The following DNAJC3 variants were observed in gnomAD, a reference collection of about 807,000 sequenced individuals.
DNAJC3 encodes dnaJ homolog subfamily C member 3.
Under a neutral mutation model 68.6 loss-of-function variants are expected in DNAJC3, and 38 were observed. The ratio of observed to expected loss-of-function variants is 0.55; its 90% CI spans 0.43 to 0.73. The LOEUF (loss-of-function observed/expected upper bound fraction) is 0.73, where lower values mean the gene tolerates loss of function less well. Among genes scored for constraint, DNAJC3 ranks in the 30% least tolerant of loss-of-function variants. The pLI is 0.00. For missense variants in DNAJC3, 526 were observed against 591.9 expected, an observed-to-expected ratio of 0.89 and a Z score of 1.16; for synonymous variants, 203 against 204.0, an observed-to-expected ratio of 1.00 and a Z score of 0.04.
rs114632429 is a variant in DNAJC3 at position 95,780,619 on chromosome 13, C to T, written c.1076-5320C>T. ...TTGCTGAAAATGGAATTTGGAGCTG[C>T]ACCCTGTCTGTTTACCTTGTTTCTT... On this transcript the variant is annotated intron_variant, in intron 9 of 11. Coordinates refer to ENST00000602402, the MANE Select transcript of DNAJC3 (RefSeq NM_006260.5). 1.5e-3 allele frequency among the ~76,000 whole-genome samples: 227 copies of T among 152,292 alleles called. 1 individual carries two copies. Among genetic ancestry groups the T allele is most frequent in the African/African-American group, 5.1e-3 (211 of 41,550 alleles).
chr13:95,682,808 T>C (rs1393614809), intron 1 of DNAJC3, among the ~76,000 whole-genome samples: 1 of 152,244 alleles, frequency 6.6e-6, no homozygotes, highest in East Asian at 1.9e-4. Context: ...TCTTTATGAA[T>C]CATTGATCAT....
At chr13:95,763,588 A>G (rs755869456) in intron 7 of DNAJC3, 55 bp from the exon 8 acceptor site, 5 of 1,551,588 alleles carry the variant, frequency 3.2e-6, no homozygotes, top group Non-Finnish European at 4.4e-6. Flanking sequence ...GAGCCTTTCT[A>G]CAGCTCTGGA....
chr13:95,788,188 A>G (rs1883660240), intron 11 of DNAJC3, among the ~76,000 whole-genome samples: 1 of 152,260 alleles, frequency 6.6e-6, no homozygotes, highest in Non-Finnish European at 1.5e-5. Context: ...ACAGAAATGT[A>G]CTTCCCTTAT....
intron 1 of DNAJC3, among the ~76,000 whole-genome samples, chr13:95,708,040 C>A (rs10467347): frequency 0.09 from 13,655 of 152,018 alleles, 893 homozygotes; most frequent in African/African-American, 0.19. Context: ...GGAACTGGAC[C>A]CCTGGGCATA....
chr13:95,768,452 T>C (rs1483805255), intron 9 of DNAJC3, among the ~76,000 whole-genome samples: 1 of 152,200 alleles, frequency 6.6e-6, no homozygotes, highest in Non-Finnish European at 1.5e-5. Context: ...GACACAGCTG[T>C]TATTGAAGTG....
Position 95,709,252 on chromosome 13 carries a change from T to C in DNAJC3, c.108T>C (p.Asp36=). ...GTGCTGAATGTGGAGTAAATGCAGA[T>C]GTTGAGAAACATCTTGAATTGGGCA... ...YEGAECGVNA[D]VEKHLELGKK... The change falls in exon 2 of 12, where the codon GAT becomes GAC. Residue 36 remains aspartate, a synonymous_variant. Transcript: ENST00000602402. The C allele has an allele frequency of 6.3e-7, 1 of 1,581,416 alleles. No individual in the cohort carries two copies. The highest frequency in any genetic ancestry group is 1.2e-5 in the South Asian group (1 of 83,808).
At chr13:95,759,069 C>A (rs1459435040) in intron 5 of DNAJC3, among the ~76,000 whole-genome samples, 3 of 152,082 alleles carry the variant, frequency 2.0e-5, no homozygotes, top group African/African-American at 7.2e-5. Flanking sequence ...AAAGTCGATA[C>A]GACTTTAGAG....
At chr13:95,723,773 T>C (rs1881421059) in intron 3 of DNAJC3, among the ~76,000 whole-genome samples, 1 of 152,212 alleles carries the variant, frequency 6.6e-6, no homozygotes, top group African/African-American at 2.4e-5. Flanking sequence ...AATTGGGCTA[T>C]GATTTGTGGT....
At chr13:95,772,205 A>G (rs1327028109) in intron 9 of DNAJC3, among the ~76,000 whole-genome samples, 10 of 152,250 alleles carry the variant, frequency 6.6e-5, no homozygotes, top group Admixed American at 6.5e-4. Flanking sequence ...ATAAAAAAGC[A>G]GAAAAGCATT....
In DNAJC3 at chr13:95,748,306, T is replaced by C. The variant is rs186639744; in HGVS notation, c.394-9338T>C. 4.0e-4 allele frequency among the ~76,000 whole-genome samples: 61 copies of C among 152,324 alleles called. 1 individual carries two copies. Among genetic ancestry groups the C allele is most frequent in the African/African-American group, 1.4e-3 (60 of 41,584 alleles). On this transcript the variant is annotated intron_variant, in intron 4 of 11. Coordinates refer to ENST00000602402, the MANE Select transcript of DNAJC3 (RefSeq NM_006260.5). ...TATATTAGGTAAATAATGGTGCCAATTGCAATTTAATTTTTAAATCAAGTA... is the reference window on the plus strand; with the variant it reads ...TATATTAGGTAAATAATGGTGCCAACTGCAATTTAATTTTTAAATCAAGTA...
At chr13:95,698,066 A>G (rs1448879104) in intron 1 of DNAJC3, among the ~76,000 whole-genome samples, 1 of 150,906 alleles carries the variant, frequency 6.6e-6, no homozygotes, top group African/African-American at 2.5e-5. Flanking sequence ...AGAAACTGAC[A>G]CTTGTTGTTG....
chr13:95,699,607 C>T (rs2139615563), intron 1 of DNAJC3, among the ~76,000 whole-genome samples: 1 of 152,258 alleles, frequency 6.6e-6, no homozygotes, highest in South Asian at 2.1e-4. Context: ...GAAAAGAAAA[C>T]TGGTCTTTGG....
chr13:95,790,758 C>A, intron 11 of DNAJC3, 115 bp from the exon 12 acceptor site: 1 of 1,225,086 alleles, frequency 8.2e-7, no homozygotes. Flanking sequence ...CTCTTGATAA[C>A]CGAAAAGTAA....
chr13:95,753,650 A>G (rs1882558880), intron 4 of DNAJC3, among the ~76,000 whole-genome samples: 1 of 152,224 alleles, frequency 6.6e-6, no homozygotes, highest in Non-Finnish European at 1.5e-5. Context: ...CTATTATTCT[A>G]GGACCTTAAT....
rs1594036893 is a variant in DNAJC3, at chr13:95,792,928, G to T, written c.*1898G>T. The T allele has an allele frequency of 6.6e-6, 1 of 152,196 alleles. No homozygotes were observed. Among genetic ancestry groups the T allele is most frequent in the Admixed American group, 6.5e-5 (1 of 15,290 alleles). The allele number at this position is 152,196 out of a possible 1,614,324, so 9.4% of individuals were successfully genotyped here. Reference sequence around the variant, plus strand: ...TTTTCACATAGAGTCAGAAAAAAAAGGAAATATCAAATCACTTGCCTTTCC... The same window carrying T: ...TTTTCACATAGAGTCAGAAAAAAAATGAAATATCAAATCACTTGCCTTTCC... On this transcript the variant is annotated 3_prime_UTR_variant, in exon 12 of 12. Transcript: ENST00000602402.
chr13:95,773,637 A>T (rs982295849), intron 9 of DNAJC3, among the ~76,000 whole-genome samples: 5 of 151,714 alleles, frequency 3.3e-5, no homozygotes, highest in Non-Finnish European at 7.4e-5. Flanking sequence ...TAAGGTCTGT[A>T]AGATTATTCC....
At chr13:95,697,186 C>CT (rs1880463953) in intron 1 of DNAJC3, among the ~76,000 whole-genome samples, 1 of 152,252 alleles carries the variant, frequency 6.6e-6, no homozygotes, top group East Asian at 1.9e-4. Context: ...ATTTAGAACT[C>CT]TTTTGCGCTT....
At position 95,757,933 on chromosome 13, in the gene DNAJC3, A is replaced by G. The variant is rs1219033246; in HGVS notation, c.546+137A>G. On this transcript the variant is annotated intron_variant, in intron 5 of 11. Transcript: ENST00000602402. ...GTCCTTGGGCTTTTGCCTCTTAAGT[A>G]TAAAATAGTGTTCCTAGACAACAAA... The G allele has an allele frequency of 7.4e-6, 7 of 944,064 alleles. No homozygotes were observed. The African/African-American group carries it at 8.1e-5, about 11-fold the overall frequency. 58.5% of individuals were successfully genotyped at this position (944,064 alleles called of 1,614,324 possible).
At chr13:95,746,642 A>C (rs1882315452) in intron 4 of DNAJC3, among the ~76,000 whole-genome samples, 1 of 152,212 alleles carries the variant, frequency 6.6e-6, no homozygotes, top group African/African-American at 2.4e-5. Flanking sequence ...GATATATAAA[A>C]GTTTGATTGT....
Sources: allele counts gnomAD v4.1 joint callset (sites outside exome capture counted in the v4.1 genomes callset), GRCh38; gene constraint gnomAD v4.1.1; transcripts MANE v1.5; gene names NCBI Gene and HGNC (gene_info 2026-07-23, HGNC 2026-07-21).